The following TRAK1 variants were observed in gnomAD, a reference collection of about 807,000 sequenced individuals.
The protein encoded by TRAK1 is trafficking kinesin protein 1.
In TRAK1, 33 loss-of-function variants were observed where a neutral mutation model predicts 92.1. The observed-to-expected ratio is 0.36, with a 90% CI of 0.27 to 0.48. The LOEUF (loss-of-function observed/expected upper bound fraction) is 0.48. Ranked by LOEUF, TRAK1 falls within the 20% of genes least tolerant of loss-of-function variation. TRAK1 has a pLI of 0.99. For synonymous variants in TRAK1, 521 were observed against 517.3 expected (o/e 1.01, Z -0.10); for missense variants, 1,123 against 1,257.9 (o/e 0.89, Z 1.62).
At chr3:42,096,023 G>A (rs1705863775) in intron 1 of TRAK1, among the ~76,000 whole-genome samples, 1 of 152,262 alleles carries the variant, frequency 6.6e-6, no homozygotes, top group Non-Finnish European at 1.5e-5. Flanking sequence ...CCTTTATCTT[G>A]GACTTGTCAG....
chr3:42,117,373 G>T (rs917040595), intron 1 of TRAK1, among the ~76,000 whole-genome samples: 1 of 152,078 alleles, frequency 6.6e-6, no homozygotes, highest in Non-Finnish European at 1.5e-5. Context: ...CCAGCAGGTG[G>T]CAGTTGTGGT....
Position 42,149,664 on chromosome 3 carries a change from G to A in TRAK1, c.286+24050G>A, listed in dbSNP as rs927191050. 67 of 1,533,690 alleles carry A rather than the reference G, an allele frequency of 4.4e-5. 1 individual carries two copies. The South Asian group carries it at 7.8e-4, about 18-fold the overall frequency. ...GGGTATTGTCTCCTTCTGGGTGGGG[G>A]GTGTCCTGAAACCTTTAGGGGAGAC... On this transcript the variant is annotated intron_variant, in intron 2 of 15. Coordinates refer to ENST00000327628, the MANE Select transcript of TRAK1 (RefSeq NM_001042646.3).
chr3:42,057,989 AATATC>A (rs1559727726), intron 1 of TRAK1, among the ~76,000 whole-genome samples: 3 of 152,194 alleles, frequency 2.0e-5, no homozygotes, highest in African/African-American at 7.2e-5. Context: ...GCTGAACTCA[AATATC>A]ATTTCCTCCT....
chr3:42,049,252 C>T (rs547307346), intron 1 of TRAK1, among the ~76,000 whole-genome samples: 1 of 152,142 alleles, frequency 6.6e-6, no homozygotes, highest in South Asian at 2.1e-4. Flanking sequence ...ATAATTTTCC[C>T]TCATAGTTCT....
intron 1 of TRAK1, among the ~76,000 whole-genome samples, chr3:42,073,292 A>G (rs116984308): frequency 6.6e-6 from 1 of 152,262 alleles, no homozygotes; most frequent in East Asian, 1.9e-4. Flanking sequence ...CTTTCTGACT[A>G]TAGTTGCTGC....
At chr3:42,155,422 C>G (rs958423977) in intron 2 of TRAK1, among the ~76,000 whole-genome samples, 1 of 152,158 alleles carries the variant, frequency 6.6e-6, no homozygotes, top group Non-Finnish European at 1.5e-5. Context: ...GTTGCTTCTG[C>G]TCAAAATAAT....
intron 1 of TRAK1, chr3:42,051,172 A>G (rs984134274): frequency 6.6e-6 from 1 of 152,310 alleles, no homozygotes; most frequent in Admixed American, 6.5e-5. Flanking sequence ...CCTGGCATTC[A>G]TTTAATTTTT....
At chr3:42,140,130 G>T (rs959876529) in intron 2 of TRAK1, among the ~76,000 whole-genome samples, 5 of 152,128 alleles carry the variant, frequency 3.3e-5, no homozygotes, top group African/African-American at 1.2e-4. Context: ...GCTCCTCAGT[G>T]CTCTGCCAAA....
In TRAK1 at chr3:42,092,261, A is replaced by G. The variant is rs944053173; in HGVS notation, c.91+701A>G. ...GTCAGAGTCCAGTGGTTGATGACCCATCTGGTTTCTGTCCTGTCTACACGC... is the reference window on the plus strand; with the variant it reads ...GTCAGAGTCCAGTGGTTGATGACCCGTCTGGTTTCTGTCCTGTCTACACGC... On this transcript the variant is annotated intron_variant, in intron 1 of 15. Transcript: ENST00000327628. Among the ~76,000 whole-genome samples the G allele has an allele frequency of 4.6e-5, 7 of 152,106 alleles. No individual in the cohort carries two copies. The South Asian group carries it at 1.5e-3, about 32-fold the overall frequency.
In TRAK1 at chr3:42,101,540, G is replaced by A. The variant is rs567532555; in HGVS notation, c.91+9980G>A. On this transcript the variant is annotated intron_variant, in intron 1 of 15. Coordinates refer to ENST00000327628, the MANE Select transcript of TRAK1 (RefSeq NM_001042646.3). ...AGGAGGGGAAGGACATGACTCTTAC[G>A]GCCTAGAGCAGGAGTTGGCAAACTC... is the stretch of plus-strand genomic sequence containing the variant. 2.3e-4 allele frequency among the ~76,000 whole-genome samples: 35 copies of A among 152,204 alleles called. No individual in the cohort carries two copies. The South Asian group carries it at 3.1e-3, about 14-fold the overall frequency.
At position 42,019,912 on chromosome 3, in the gene TRAK1, T is replaced by C. The variant is rs546632126; in HGVS notation, c.-519+5795T>C. On this transcript the variant is annotated intron_variant, in intron 1 of 16. Coordinates refer to the TRAK1 transcript ENST00000487159. Reference sequence around the variant, plus strand: ...TGAATTTATGTTTGTCTGAGGACCATTGGGAAATATTTCTTGGAGAGTGGG... The same window carrying C: ...TGAATTTATGTTTGTCTGAGGACCACTGGGAAATATTTCTTGGAGAGTGGG... Among the ~76,000 whole-genome samples, 5 of 152,324 alleles carry C rather than the reference T, an allele frequency of 3.3e-5. 1 individual carries two copies. Among genetic ancestry groups the C allele is most frequent in the African/African-American group, 1.2e-4 (5 of 41,578 alleles).
intron 2 of TRAK1, among the ~76,000 whole-genome samples, chr3:42,126,048 A>G (rs1710518972): frequency 6.6e-6 from 1 of 151,714 alleles, no homozygotes; most frequent in South Asian, 2.1e-4. Flanking sequence ...ACAGGGTTTC[A>G]CCATGTTGGC....
chr3:42,158,792 A>AATAC (rs1187820044), intron 2 of TRAK1, among the ~76,000 whole-genome samples: 9 of 147,948 alleles, frequency 6.1e-5, no homozygotes, highest in African/African-American at 2.2e-4. Context: ...AAATACAAAA[A>AATAC]AAAAAAAAAA....
chr3:42,108,492 T>TA (rs10578367), intron 1 of TRAK1, among the ~76,000 whole-genome samples: 2,643 of 120,180 alleles, frequency 0.022, 83 homozygotes, highest in African/African-American at 0.077. Flanking sequence ...ACCCTGCCTT[T>TA]AAAAAAAAAA....
At chr3:42,055,158 G>T (rs578066276) in intron 1 of TRAK1, among the ~76,000 whole-genome samples, 2 of 151,932 alleles carry the variant, frequency 1.3e-5, no homozygotes, top group East Asian at 3.9e-4. Context: ...GACCTCAAGT[G>T]GTCTGTCCTC....
chr3:42,027,219 G>T (rs1701954204), intron 1 of TRAK1, among the ~76,000 whole-genome samples: 1 of 152,124 alleles, frequency 6.6e-6, no homozygotes, highest in South Asian at 2.1e-4. Context: ...ACTGTCAGAA[G>T]TACATTTTCA....
intron 14 of TRAK1, among the ~76,000 whole-genome samples, chr3:42,215,463 T>C (rs946840979): frequency 6.6e-6 from 1 of 151,912 alleles, no homozygotes; most frequent in Non-Finnish European, 1.5e-5. Flanking sequence ...TTGTTTTTAC[T>C]TGGATTGAAC....
intron 1 of TRAK1, among the ~76,000 whole-genome samples, chr3:42,079,020 A>G (rs891226456): frequency 6.6e-6 from 1 of 152,188 alleles, no homozygotes; most frequent in Non-Finnish European, 1.5e-5. Context: ...TAGACCGGCA[A>G]CCTGAATAAG....
chr3:42,128,347 T>C (rs960237664), intron 2 of TRAK1, among the ~76,000 whole-genome samples: 3 of 152,212 alleles, frequency 2.0e-5, no homozygotes, highest in African/African-American at 7.2e-5. Context: ...AAAATAAACA[T>C]TGAGCAGAGA....
Sources: allele counts gnomAD v4.1 joint callset (sites outside exome capture counted in the v4.1 genomes callset), GRCh38; gene constraint gnomAD v4.1.1; transcripts MANE v1.5; gene names NCBI Gene and HGNC (gene_info 2026-07-23, HGNC 2026-07-21).